SLC4A1AP: variants seen among roughly 807,000 people sequenced by gnomAD.
SLC4A1AP encodes the protein kanadaptin.
In SLC4A1AP, 64 loss-of-function variants were observed where a neutral mutation model predicts 89.7. The ratio of observed to expected loss-of-function variants is 0.71; its 90% CI spans 0.58 to 0.88. The LOEUF (loss-of-function observed/expected upper bound fraction) is 0.88, where lower values mean the gene tolerates loss of function less well. SLC4A1AP is among the 40% of genes least tolerant of loss of function. SLC4A1AP has a pLI of 0.00. For synonymous variants in SLC4A1AP, 366 were observed against 353.3 expected (o/e 1.04, Z -0.40); for missense variants, 931 against 965.0 (o/e 0.96, Z 0.47).
At chr2:27,685,013 T>C in intron 9 of SLC4A1AP, 24 bp from the exon 10 acceptor site, 1 of 1,569,328 alleles carries the variant, frequency 6.4e-7, no homozygotes, top group Non-Finnish European at 8.6e-7. Context: ...GAACTACTTG[T>C]TCATGGTTTT....
At chr2:27,683,397 A>G (rs916019438) in intron 9 of SLC4A1AP, among the ~76,000 whole-genome samples, 1 of 152,132 alleles carries the variant, frequency 6.6e-6, no homozygotes, top group Non-Finnish European at 1.5e-5. Context: ...ACAGAAATTT[A>G]TTTGTTCACA....
chr2:27,678,038 A>G lies in SLC4A1AP; in HGVS notation c.1763+114A>G, dbSNP rs1675553487. ...TATATAATACAAATGTAATGCAAGG[A>G]ACCCTTTAAAGCACAGAAAGCAGTG... On this transcript the variant is annotated intron_variant, in intron 8 of 13. Transcript: ENST00000613058. 4.3e-6 allele frequency: 3 copies of G among 691,920 alleles called. No individual in the cohort carries two copies. The East Asian group carries it at 9.4e-5, about 22-fold the overall frequency. The allele number at this position is 691,920 out of a possible 1,614,324, so 42.9% of individuals were successfully genotyped here. A position where few individuals can be genotyped will look rare whatever the true frequency, so the allele number is the denominator to read the frequency against.
intron 9 of SLC4A1AP, among the ~76,000 whole-genome samples, chr2:27,683,559 C>T (rs915970834): frequency 6.6e-6 from 1 of 152,082 alleles, no homozygotes; most frequent in Non-Finnish European, 1.5e-5. Flanking sequence ...AGTTAGGGCC[C>T]CACCCTAATA....
exon 10 of SLC4A1AP, chr2:27,685,070 A>C (rs561431563): frequency 6.2e-7 from 1 of 1,613,312 alleles, no homozygotes; most frequent in African/African-American, 1.3e-5. Flanking sequence ...ACTCCCTCCA[A>C]CTCTAATGAG....
chr2:27,678,139 A>G (rs1052073623), intron 8 of SLC4A1AP, among the ~76,000 whole-genome samples: 6 of 152,336 alleles, frequency 3.9e-5, no homozygotes, highest in African/African-American at 1.4e-4. Flanking sequence ...AGAAAACTAT[A>G]TTGATTTCTG....
chr2:27,679,391 A>G (rs1675578157), intron 8 of SLC4A1AP, among the ~76,000 whole-genome samples: 1 of 152,194 alleles, frequency 6.6e-6, no homozygotes, highest in African/African-American at 2.4e-5. Flanking sequence ...TCACGAGGTC[A>G]GGAGATCGAG....
At chr2:27,678,352 G>T (rs1382688292) in intron 8 of SLC4A1AP, among the ~76,000 whole-genome samples, 1 of 151,996 alleles carries the variant, frequency 6.6e-6, no homozygotes, top group Non-Finnish European at 1.5e-5. Flanking sequence ...GGGTGATATG[G>T]CACAACCCTA....
At chr2:27,668,561 G>C (rs576596310) in intron 3 of SLC4A1AP, 1 of 582,540 alleles carries the variant, frequency 1.7e-6, no homozygotes. Context: ...GCTATGCTCC[G>C]GCCTTAGCCC....
exon 2 of SLC4A1AP, chr2:27,665,250 A>C (rs1363601555): frequency 1.2e-6 from 2 of 1,612,284 alleles, no homozygotes; most frequent in Non-Finnish European, 1.7e-6. Context: ...AAGGAAGATA[A>C]ATGCTGGTAG....
intron 2 of SLC4A1AP, among the ~76,000 whole-genome samples, chr2:27,666,824 C>G (rs561149997): frequency 6.6e-6 from 1 of 151,102 alleles, no homozygotes; most frequent in African/African-American, 2.4e-5. Context: ...CCTGTCCCTG[C>G]AAGTATTTAT....
At chr2:27,665,316 C>T in intron 2 of SLC4A1AP, 21 bp downstream of exon 2, 1 of 1,566,280 alleles carries the variant, frequency 6.4e-7, no homozygotes, top group South Asian at 1.2e-5. Context: ...AAAATTGCTG[C>T]CGGAGGTTAA....
chr2:27,693,809 T>A, intron 13 of SLC4A1AP, 55 bp downstream of exon 13: 4 of 1,307,894 alleles, frequency 3.1e-6, no homozygotes, highest in Admixed American at 2.0e-5. Context: ...TATTTTTGAA[T>A]AGGTAATATA....
chr2:27,671,274 T>A (rs529157379), intron 5 of SLC4A1AP, among the ~76,000 whole-genome samples: 2 of 152,334 alleles, frequency 1.3e-5, no homozygotes, highest in East Asian at 3.9e-4. Context: ...TTTTAGTCAC[T>A]TATTTTAGAC....
chr2:27,688,867 C>A, intron 12 of SLC4A1AP, 100 bp downstream of exon 12: 2 of 800,554 alleles, frequency 2.5e-6, no homozygotes, highest in Non-Finnish European at 3.9e-6. Context: ...GAGTTCCCAG[C>A]AGCCTTATTC....
At chr2:27,673,442 CCCTT>C (rs1267419019) in intron 5 of SLC4A1AP, among the ~76,000 whole-genome samples, 1,253 of 44,292 alleles carry the variant, frequency 0.028, 52 homozygotes, top group African/African-American at 0.087. Flanking sequence ...CTCCCTCCCT[CCCTT>C]CCTTCCTTCC....
At chr2:27,682,357 G>A (rs1386010807) in exon 9 of SLC4A1AP, 1 of 1,595,368 alleles carries the variant, frequency 6.3e-7, no homozygotes. Flanking sequence ...TGGAACAGTA[G>A]GGGTAAGTTG....
intron 6 of SLC4A1AP, among the ~76,000 whole-genome samples, chr2:27,676,585 G>A (rs1285991438): frequency 2.0e-5 from 3 of 152,094 alleles, no homozygotes; most frequent in Non-Finnish European, 4.4e-5. Context: ...ACATTGGGAG[G>A]CTGAGGCCGG....
chr2:27,668,310 G>C (rs1317336816), intron 3 of SLC4A1AP, among the ~76,000 whole-genome samples: 1 of 151,956 alleles, frequency 6.6e-6, no homozygotes, highest in Admixed American at 6.6e-5. Flanking sequence ...CACCACGCCC[G>C]GCTAATTTTT....
chr2:27,693,536 C>A, intron 12 of SLC4A1AP, 149 bp from the exon 13 acceptor site: 1 of 597,712 alleles, frequency 1.7e-6, no homozygotes, highest in Non-Finnish European at 2.9e-6. Context: ...CTCTTTCATT[C>A]ATGAAACTTA....
Sources: allele counts gnomAD v4.1 joint callset (sites outside exome capture counted in the v4.1 genomes callset), GRCh38; gene constraint gnomAD v4.1.1; transcripts MANE v1.5; gene names NCBI Gene and HGNC (gene_info 2026-07-23, HGNC 2026-07-21).